Variants in CRYZ observed in about 807,000 individuals in gnomAD.
The protein encoded by CRYZ is zeta-crystallin.
Under a neutral mutation model 34.1 loss-of-function variants are expected in CRYZ, and 35 were observed. That is an observed-to-expected ratio of 1.03 (90% CI 0.78 to 1.36). CRYZ has a LOEUF of 1.36. Among genes scored for constraint, CRYZ ranks in the 40% most tolerant of loss-of-function variants. The probability of loss-of-function intolerance (pLI) is 0.00; values close to 1 mark genes in which losing one functional copy is unlikely to be tolerated. For missense variants in CRYZ, 403 were observed against 391.8 expected (o/e 1.03, Z -0.24); for synonymous variants, 137 against 136.5 (o/e 1.00, Z -0.03).
At chr1:74,717,545 A>G (rs1647094685) in intron 4 of CRYZ, among the ~76,000 whole-genome samples, 1 of 152,160 alleles carries the variant, frequency 6.6e-6, no homozygotes, top group African/African-American at 2.4e-5. Flanking sequence ...GTGATTGCGC[A>G]CTTACCCTGT....
chr1:74,729,531 G>A (rs1482517035), intron 1 of CRYZ, among the ~76,000 whole-genome samples: 1 of 150,404 alleles, frequency 6.6e-6, no homozygotes, highest in Non-Finnish European at 1.5e-5. Context: ...AGTGGTCCCA[G>A]CTACTCAGAA....
intron 3 of CRYZ, among the ~76,000 whole-genome samples, chr1:74,722,672 C>A (rs1647181909): frequency 6.6e-6 from 1 of 151,788 alleles, no homozygotes; most frequent in Non-Finnish European, 1.5e-5. Context: ...GGCTCCAAAA[C>A]TGTATAGTGA....
At chr1:74,718,218 T>C (rs1403515044) in intron 4 of CRYZ, among the ~76,000 whole-genome samples, 1 of 152,106 alleles carries the variant, frequency 6.6e-6, no homozygotes, top group African/African-American at 2.4e-5. Context: ...TAAATAGTTA[T>C]TCTTTCCTCT....
intron 5 of CRYZ, 102 bp from the exon 6 acceptor site, chr1:74,710,349 T>C: frequency 9.5e-7 from 1 of 1,049,382 alleles, no homozygotes; most frequent in Non-Finnish European, 1.3e-6. Context: ...CCACCCTAAC[T>C]TTAAGGAACT....
chr1:74,707,250 C>G, intron 6 of CRYZ, 46 bp from the exon 7 acceptor site: 1 of 1,011,974 alleles, frequency 9.9e-7, no homozygotes, highest in Non-Finnish European at 1.5e-6. Context: ...AAGTGAAAAA[C>G]TGTAAAATAG....
At chr1:74,706,826 C>T (rs1569963139) in intron 8 of CRYZ, 73 bp downstream of exon 8, 1 of 1,278,646 alleles carries the variant, frequency 7.8e-7, no homozygotes, top group East Asian at 2.3e-5. Context: ...TCTATTCAAA[C>T]TTTCAGCTTG....
intron 8 of CRYZ, 61 bp downstream of exon 8, chr1:74,706,838 C>T: frequency 7.1e-7 from 1 of 1,398,772 alleles, no homozygotes; most frequent in Non-Finnish European, 1.0e-6. Flanking sequence ...TTCAGCTTGC[C>T]TGAGTAGGCA....
chr1:74,707,100 T>TA lies in CRYZ; in HGVS notation c.732+2dup. The TA allele has an allele frequency of 1.3e-6, 2 of 1,560,738 alleles. No individual in the cohort carries two copies. Among genetic ancestry groups the TA allele is most frequent in the Non-Finnish European group, 1.7e-6 (2 of 1,147,788 alleles). On this transcript the variant is annotated splice_region_variant and intron_variant, in intron 7 of 8. Coordinates refer to ENST00000340866, the MANE Select transcript of CRYZ (RefSeq NM_001889.4). ...AAAAAAAAAAAAGAAAAGGAATACT[T>TA]ACTATCACTCGTCCTCCATGTGACA... is the stretch of plus-strand genomic sequence containing the variant.
chr1:74,716,648 G>C (rs539258318), intron 4 of CRYZ, among the ~76,000 whole-genome samples: 1 of 152,222 alleles, frequency 6.6e-6, no homozygotes, highest in Admixed American at 6.6e-5. Context: ...TATTATGACA[G>C]TAATTTATCC....
intron 3 of CRYZ, among the ~76,000 whole-genome samples, chr1:74,721,866 C>A (rs1647169877): frequency 6.6e-6 from 1 of 152,208 alleles, no homozygotes; most frequent in African/African-American, 2.4e-5. Context: ...CACATCTGCA[C>A]TGTCCAGCAG....
At position 74,707,215 on chromosome 1, in the gene CRYZ, AAAGAG is replaced by A; in HGVS notation, c.631-16_631-12del. 7.1e-7 allele frequency: 1 copy of A among 1,412,058 alleles called. No homozygotes were observed. Among genetic ancestry groups the A allele is most frequent in the South Asian group, 1.2e-5 (1 of 80,898 alleles). 87.5% of individuals were successfully genotyped at this position (1,412,058 alleles called of 1,614,324 possible). ...CTCACCAACATACTTCTATATAATA[AAAGAG>A]AAATGTAGAGTAAGATAGCAAGTGA... On this transcript the variant is annotated splice_polypyrimidine_tract_variant and intron_variant, in intron 6 of 8. Transcript: ENST00000340866.
Position 74,712,261 on chromosome 1 carries a change from G to C in CRYZ, c.481-2014C>G, listed in dbSNP as rs1647014919. ...CCAAACTTGGCACTATCAACATTTTGGGCCAGATAATTATTTGCTGTGGGA... is the reference window on the plus strand; with the variant it reads ...CCAAACTTGGCACTATCAACATTTTCGGCCAGATAATTATTTGCTGTGGGA... On this transcript the variant is annotated intron_variant, in intron 5 of 8. Transcript: ENST00000340866. 2.0e-5 allele frequency among the ~76,000 whole-genome samples: 3 copies of C among 152,136 alleles called. No individual in the cohort carries two copies. The South Asian group carries it at 6.2e-4, about 31-fold the overall frequency.
At chr1:74,713,251 G>C (rs1300108156) in intron 5 of CRYZ, among the ~76,000 whole-genome samples, 1 of 152,100 alleles carries the variant, frequency 6.6e-6, no homozygotes, top group African/African-American at 2.4e-5. Flanking sequence ...AGAGGGTAAA[G>C]GGAATATAAA....
chr1:74,725,390 A>G (rs1020607726), intron 1 of CRYZ, among the ~76,000 whole-genome samples: 7 of 152,224 alleles, frequency 4.6e-5, no homozygotes, highest in African/African-American at 1.7e-4. Context: ...CATGTCTTAC[A>G]TGGTGGCAAA....
chr1:74,707,272 A>C (rs771078084), intron 6 of CRYZ, 68 bp from the exon 7 acceptor site: 1 of 826,474 alleles, frequency 1.2e-6, no homozygotes, highest in Non-Finnish European at 2.0e-6. Flanking sequence ...TACTATCTGT[A>C]CAAGATATTA....
At chr1:74,714,832 T>C (rs1647050534) in intron 4 of CRYZ, among the ~76,000 whole-genome samples, 1 of 152,216 alleles carries the variant, frequency 6.6e-6, no homozygotes, top group South Asian at 2.1e-4. Flanking sequence ...CTTGAACAAA[T>C]ATTTATTGGG....
intron 1 of CRYZ, among the ~76,000 whole-genome samples, chr1:74,725,568 G>A (rs571358931): frequency 6.0e-5 from 9 of 148,878 alleles, no homozygotes; most frequent in Middle Eastern, 3.4e-3. Flanking sequence ...AATTCAAGAT[G>A]AGATTTGGGT....
At chr1:74,711,661 G>T (rs938021944) in intron 5 of CRYZ, among the ~76,000 whole-genome samples, 10 of 152,112 alleles carry the variant, frequency 6.6e-5, no homozygotes, top group African/African-American at 2.4e-4. Flanking sequence ...TGAGGCAGGA[G>T]GATCGCTTGG....
chr1:74,723,274 C>T lies in CRYZ; in HGVS notation c.112-4G>A. On this transcript the variant is annotated splice_region_variant and splice_polypyrimidine_tract_variant and intron_variant, in intron 2 of 8. Coordinates refer to ENST00000340866, the MANE Select transcript of CRYZ (RefSeq NM_001889.4). ...ATGCATGGACCTTGATTAGAACCTGCAATGACAATGTATTTTAGTTCACAG... is the reference window on the plus strand; with the variant it reads ...ATGCATGGACCTTGATTAGAACCTGTAATGACAATGTATTTTAGTTCACAG... The T allele has an allele frequency of 1.9e-6, 3 of 1,607,868 alleles. No homozygotes were observed. Among genetic ancestry groups the T allele is most frequent in the Non-Finnish European group, 2.5e-6 (3 of 1,178,466 alleles).
Sources: allele counts gnomAD v4.1 joint callset (sites outside exome capture counted in the v4.1 genomes callset), GRCh38; gene constraint gnomAD v4.1.1; transcripts MANE v1.5; gene names NCBI Gene and HGNC (gene_info 2026-07-23, HGNC 2026-07-21).